Variants in PPM1H observed in about 807,000 individuals in gnomAD.
PPM1H encodes protein phosphatase 1H.
In PPM1H, 27 loss-of-function variants were observed where a neutral mutation model predicts 54.9. The observed-to-expected ratio is 0.49, with a 90% CI of 0.36 to 0.68. PPM1H has a LOEUF of 0.68. Ranked by LOEUF, PPM1H falls within the 30% of genes least tolerant of loss-of-function variation. The probability of loss-of-function intolerance (pLI) is 0.00; values close to 1 mark genes in which losing one functional copy is unlikely to be tolerated. For synonymous variants in PPM1H, 305 were observed against 270.8 expected, an observed-to-expected ratio of 1.13 and a Z score of -1.24; for missense variants, 596 against 667.8, an observed-to-expected ratio of 0.89 and a Z score of 1.19.
intron 5 of PPM1H, among the ~76,000 whole-genome samples, chr12:62,727,857 C>T (rs915829575): frequency 2.6e-4 from 39 of 151,800 alleles, no homozygotes; most frequent in African/African-American, 9.2e-4. Flanking sequence ...GACGGGGTTT[C>T]ACCATGTTGG....
intron 1 of PPM1H, among the ~76,000 whole-genome samples, chr12:62,875,438 G>T (rs1870126352): frequency 6.6e-6 from 1 of 152,216 alleles, no homozygotes; most frequent in Admixed American, 6.5e-5. Context: ...GTGAATGTAA[G>T]AAAGAGGATG....
At chr12:62,785,666 T>C (rs1375526022) in intron 4 of PPM1H, among the ~76,000 whole-genome samples, 1 of 151,984 alleles carries the variant, frequency 6.6e-6, no homozygotes, top group Non-Finnish European at 1.5e-5. Flanking sequence ...CCTTTATAGA[T>C]GAAATTGAAG....
chr12:62,886,399 A>G (rs1870590377), intron 1 of PPM1H, among the ~76,000 whole-genome samples: 1 of 152,234 alleles, frequency 6.6e-6, no homozygotes, highest in Admixed American at 6.5e-5. Flanking sequence ...GATGTGTACA[A>G]TCTCATATAA....
intron 1 of PPM1H, among the ~76,000 whole-genome samples, chr12:62,889,631 A>G (rs1054926340): frequency 6.6e-6 from 1 of 152,330 alleles, no homozygotes; most frequent in East Asian, 1.9e-4. Context: ...ACATAAATAC[A>G]GTCAACTGAT....
intron 5 of PPM1H, among the ~76,000 whole-genome samples, chr12:62,727,765 A>T (rs1343514311): frequency 2.0e-5 from 3 of 151,470 alleles, no homozygotes; most frequent in Non-Finnish European, 4.4e-5. Context: ...GGTTCAAGTG[A>T]TTCTCCCACC....
intron 4 of PPM1H, among the ~76,000 whole-genome samples, chr12:62,763,855 G>A (rs549302742): frequency 5.9e-5 from 9 of 152,142 alleles, no homozygotes; most frequent in Non-Finnish European, 1.2e-4. Context: ...TACCACTCAT[G>A]GTGGACTATT....
intron 1 of PPM1H, among the ~76,000 whole-genome samples, chr12:62,908,992 C>T (rs1211134628): frequency 3.9e-5 from 6 of 152,060 alleles, no homozygotes; most frequent in African/African-American, 1.4e-4. Flanking sequence ...GACAACACTA[C>T]ACCAGTTCCC....
At chr12:62,702,033 G>A (rs925972525) in intron 6 of PPM1H, among the ~76,000 whole-genome samples, 1 of 152,116 alleles carries the variant, frequency 6.6e-6, no homozygotes, top group Non-Finnish European at 1.5e-5. Context: ...AACAAAGGCT[G>A]GTATCTCTCC....
intron 8 of PPM1H, among the ~76,000 whole-genome samples, chr12:62,687,125 C>A (rs968236809): frequency 5.3e-5 from 8 of 152,250 alleles, no homozygotes; most frequent in Non-Finnish European, 1.2e-4. Context: ...TTGGCCACAT[C>A]AGTGGCAGAA....
At chr12:62,726,660 T>C (rs1411447953) in intron 5 of PPM1H, among the ~76,000 whole-genome samples, 2 of 152,130 alleles carry the variant, frequency 1.3e-5, no homozygotes, top group South Asian at 2.1e-4. Context: ...AGCGCAGAGA[T>C]GTTTTGTCCG....
chr12:62,787,773 G>A (rs115032095), intron 4 of PPM1H, among the ~76,000 whole-genome samples: 334 of 152,318 alleles, frequency 2.2e-3, no homozygotes, highest in African/African-American at 7.7e-3. Context: ...GAACCCGGAC[G>A]TGAGGCAACT....
At chr12:62,707,512 T>C (rs548142165) in intron 6 of PPM1H, among the ~76,000 whole-genome samples, 205 of 152,336 alleles carry the variant, frequency 1.3e-3, no homozygotes, top group Non-Finnish European at 1.8e-3. Context: ...ATATCCATTG[T>C]AACAAACTCT....
chr12:62,735,600 T>A (rs904527811), intron 5 of PPM1H, among the ~76,000 whole-genome samples: 2 of 152,168 alleles, frequency 1.3e-5, no homozygotes, highest in African/African-American at 4.8e-5. Context: ...ACTGGCAATA[T>A]GAGGTGACTA....
At chr12:62,754,395 G>A (rs557405842) in intron 4 of PPM1H, among the ~76,000 whole-genome samples, 4 of 152,194 alleles carry the variant, frequency 2.6e-5, no homozygotes, top group Admixed American at 6.5e-5. Context: ...ATGAGACCCC[G>A]TCTCTAGCAA....
At chr12:62,895,493 A>T (rs1870953675) in intron 1 of PPM1H, among the ~76,000 whole-genome samples, 1 of 152,104 alleles carries the variant, frequency 6.6e-6, no homozygotes, top group Non-Finnish European at 1.5e-5. Flanking sequence ...TTAGAAAGCA[A>T]ATTCTACTGC....
rs1462892892 is a variant in PPM1H at position 62,675,716 on chromosome 12, G to C, written c.1246-8387C>G. 2.0e-5 allele frequency among the ~76,000 whole-genome samples: 3 copies of C among 152,308 alleles called. No homozygotes were observed. In the East Asian group the frequency reaches 5.8e-4, roughly 29 times the overall value. On this transcript the variant is annotated intron_variant, in intron 8 of 9. Transcript: ENST00000228705. ...GGTTGAGGGGTTAAGATGGTCACCT[G>C]ACAAATAATAAAATGACTGCTACTT...
At chr12:62,887,820 T>C (rs2121068746) in intron 1 of PPM1H, among the ~76,000 whole-genome samples, 1 of 152,272 alleles carries the variant, frequency 6.6e-6, no homozygotes, top group South Asian at 2.1e-4. Context: ...AGGTACCCAC[T>C]GGCAAAGGCA....
rs1293456787 is a variant in PPM1H, at chr12:62,934,845, G to A, written c.-109C>T. On this transcript the variant is annotated 5_prime_UTR_variant, in exon 1 of 10. Transcript: ENST00000228705. The surrounding 1 kb of genome is among the most constrained non-coding windows in gnomAD (Gnocchi z 4.2). ...GTGGGCGCCGGGCGCACGGCGAGTCGGGCCACTGGGACGCGCCGCGCGCGG... is the reference window on the plus strand; with the variant it reads ...GTGGGCGCCGGGCGCACGGCGAGTCAGGCCACTGGGACGCGCCGCGCGCGG... The A allele has an allele frequency of 5.5e-5, 62 of 1,120,016 alleles. No individual in the cohort carries two copies. The highest frequency in any genetic ancestry group is 7.0e-5 in the Non-Finnish European group (62 of 883,378). 69.4% of individuals were successfully genotyped at this position (1,120,016 alleles called of 1,614,324 possible).
intron 6 of PPM1H, among the ~76,000 whole-genome samples, chr12:62,710,758 C>T (rs1294289173): frequency 6.6e-6 from 1 of 152,166 alleles, no homozygotes; most frequent in Non-Finnish European, 1.5e-5. Context: ...TTAGTTTCTT[C>T]TCGAAACTGC....
Sources: allele counts gnomAD v4.1 joint callset (sites outside exome capture counted in the v4.1 genomes callset), GRCh38; gene constraint gnomAD v4.1.1; non-coding constraint Gnocchi (gnomAD v3.1); transcripts MANE v1.5; gene names NCBI Gene and HGNC (gene_info 2026-07-23, HGNC 2026-07-21).